NFATC1: variants seen among roughly 807,000 people sequenced by gnomAD.
The protein encoded by NFATC1 is nuclear factor of activated T-cells, cytoplasmic 1.
Under a neutral mutation model 76.0 loss-of-function variants are expected in NFATC1, and 22 were observed. The ratio of observed to expected loss-of-function variants is 0.29; its 90% CI spans 0.21 to 0.41. The LOEUF is 0.41. Among genes scored for constraint, NFATC1 ranks in the 10% least tolerant of loss-of-function variants. The pLI is 1.00. For synonymous variants in NFATC1, 704 were observed against 613.1 expected, an observed-to-expected ratio of 1.15 and a Z score of -2.19; for missense variants, 1,357 against 1,337.7, an observed-to-expected ratio of 1.01 and a Z score of -0.23.
chr18:79,424,653 G>A lies in NFATC1; in HGVS notation c.1227-8926G>A, dbSNP rs111211772. ...CGTCTGTCTCTCTGTCTCTCTTTCC[G>A]TCTCTGTCTCTCCATCTCTGTCTCT... On this transcript the variant is annotated intron_variant, in intron 2 of 9. Transcript: ENST00000427363. 5.3e-4 allele frequency among the ~76,000 whole-genome samples: 72 copies of A among 136,844 alleles called. 1 individual carries two copies. Among genetic ancestry groups the A allele is most frequent in the African/African-American group, 1.8e-3 (66 of 35,772 alleles). 89.8% of individuals were successfully genotyped at this position (136,844 alleles called of 152,430 possible).
At position 79,396,228 on chromosome 18, in the gene NFATC1, C is replaced by G; in HGVS notation, c.4C>G (p.Pro2Ala). The G allele has an allele frequency of 6.7e-7, 1 of 1,488,946 alleles. No homozygotes were observed. 92.2% of individuals were successfully genotyped at this position (1,488,946 alleles called of 1,614,324 possible). A position where few individuals can be genotyped will look rare whatever the true frequency, so the allele number is the denominator to read the frequency against. M[P>A]STSFPVPSKF... The stretch of plus-strand genomic sequence containing the variant: ...ACTCCCCGCCGCCGCCGCGCGGATG[C>G]CAAGCACCAGCTTTCCAGTCCCTTC... The change falls in exon 1 of 10, where the codon CCA becomes GCA. Residue 2 changes from proline (P) to alanine (A), a missense_variant. Physicochemically the swap from Pro to Ala is conservative, Grantham distance 27. Around this residue, in one of 3 missense-constraint regions of NFATC1, gnomAD observed 691 missense variants for 613.1 expected, o/e 1.13. Coordinates refer to ENST00000427363, the MANE Select transcript of NFATC1 (RefSeq NM_001278669.2).
In NFATC1 at chr18:79,467,445, T is replaced by C. The variant is rs1175471446; in HGVS notation, c.1960-5T>C. 3.1e-6 allele frequency: 5 copies of C among 1,591,076 alleles called. No individual in the cohort carries two copies. Among genetic ancestry groups the C allele is most frequent in the Non-Finnish European group, 4.3e-6 (5 of 1,164,970 alleles). ...TTGTGCCTCCTGTGTGCCCTTCTCC[T>C]GTAGAATTCTCTGGTGGTTGAGATC... On this transcript the variant is annotated splice_region_variant and splice_polypyrimidine_tract_variant and intron_variant, in intron 7 of 9. Coordinates refer to ENST00000427363, the MANE Select transcript of NFATC1 (RefSeq NM_001278669.2).
intron 3 of NFATC1, among the ~76,000 whole-genome samples, chr18:79,434,307 C>T (rs2086697467): frequency 1.3e-5 from 2 of 152,212 alleles, no homozygotes; most frequent in South Asian, 2.1e-4. Flanking sequence ...GTGGGCCTGA[C>T]TCCCCCGGGC....
chr18:79,400,272 G>A, intron 1 of NFATC1: 1 of 1,189,760 alleles, frequency 8.4e-7, no homozygotes, highest in African/African-American at 1.6e-5. Context: ...CGGGGGCGGG[G>A]CGGGGACGGG....
At chr18:79,450,030 C>T (rs1421827737) in intron 4 of NFATC1, among the ~76,000 whole-genome samples, 8 of 152,198 alleles carry the variant, frequency 5.3e-5, no homozygotes, top group African/African-American at 1.9e-4. Context: ...AGACAGGGCA[C>T]AGTCAGGTGC....
chr18:79,413,076 G>T lies in NFATC1; in HGVS notation c.1226+1575G>T, dbSNP rs78081956. ...TTTAAGTAAAAGTACAAGCGTAGTG[G>T]CACTGACTCTCCAGCCCACAGTCAT... On this transcript the variant is annotated intron_variant, in intron 2 of 9. Coordinates refer to ENST00000427363, the MANE Select transcript of NFATC1 (RefSeq NM_001278669.2). Among the ~76,000 whole-genome samples the T allele has an allele frequency of 3.6e-3, 546 of 152,322 alleles. 2 individuals carry two copies. The highest frequency in any genetic ancestry group is 6.0e-3 in the Non-Finnish European group (407 of 68,034).
chr18:79,496,062 C>T (rs1660154), intron 9 of NFATC1: 83,417 of 152,604 alleles, frequency 0.55, 26,162 homozygotes, highest in Non-Finnish European at 0.71. Context: ...AGTAGTAAGG[C>T]ATTCGCAAGT....
rs568544508 is a variant in NFATC1, at chr18:79,407,972, G to A, written c.128-2431G>A. On this transcript the variant is annotated intron_variant, in intron 1 of 9. Transcript: ENST00000427363. Reference sequence around the variant, plus strand: ...CTTCTGGTCGCACCTGTGAGGTGTGGCTCCATCGCAGCTCTGTTTCTTTTC... The same window carrying A: ...CTTCTGGTCGCACCTGTGAGGTGTGACTCCATCGCAGCTCTGTTTCTTTTC... Among the ~76,000 whole-genome samples the A allele has an allele frequency of 8.3e-5, 12 of 143,718 alleles. No individual in the cohort carries two copies. In the South Asian group the frequency reaches 2.8e-3, roughly 34 times the overall value. The allele number at this position is 143,718 out of a possible 152,430, so 94.3% of individuals were successfully genotyped here.
At position 79,482,355 on chromosome 18, in the gene NFATC1, G is replaced by T. The variant is rs536144792; in HGVS notation, c.2093-3893G>T. Among the ~76,000 whole-genome samples the T allele has an allele frequency of 2.2e-5, 3 of 138,480 alleles. No individual in the cohort carries two copies. In the East Asian group the frequency reaches 6.9e-4, roughly 32 times the overall value. 90.8% of individuals were successfully genotyped at this position (138,480 alleles called of 152,430 possible). A position where few individuals can be genotyped will look rare whatever the true frequency, so the allele number is the denominator to read the frequency against. ...CATTCCAGCGTGACCTGGTCCTGGGGTGTCATTCCAGTGTGACGTGGTCCT... is the reference window on the plus strand; with the variant it reads ...CATTCCAGCGTGACCTGGTCCTGGGTTGTCATTCCAGTGTGACGTGGTCCT... On this transcript the variant is annotated intron_variant, in intron 8 of 9. Transcript: ENST00000427363.
chr18:79,422,934 C>T (rs1241858620), intron 2 of NFATC1, among the ~76,000 whole-genome samples: 6 of 146,448 alleles, frequency 4.1e-5, no homozygotes, highest in African/African-American at 5.1e-5. Flanking sequence ...GGGGCTGCCT[C>T]GGGGGCGGGG....
chr18:79,397,364 C>T (rs941375184), intron 1 of NFATC1, among the ~76,000 whole-genome samples: 1 of 152,250 alleles, frequency 6.6e-6, no homozygotes, highest in Non-Finnish European at 1.5e-5. Flanking sequence ...GGGCAGACGT[C>T]CTTCCGAGCG....
intron 2 of NFATC1, among the ~76,000 whole-genome samples, chr18:79,424,447 C>T (rs1011340799): frequency 1.3e-5 from 2 of 152,176 alleles, no homozygotes; most frequent in African/African-American, 2.4e-5. Flanking sequence ...TGCCTCACGT[C>T]GGAGAAATGC....
chr18:79,516,963 A>G (rs2090400801), intron 9 of NFATC1, among the ~76,000 whole-genome samples: 1 of 152,248 alleles, frequency 6.6e-6, no homozygotes, highest in Admixed American at 6.5e-5. Context: ...TCAGCAATTC[A>G]ATGAAACCAT....
chr18:79,522,490 C>G (rs1280785432), intron 9 of NFATC1, among the ~76,000 whole-genome samples: 2 of 97,234 alleles, frequency 2.1e-5, no homozygotes, highest in Non-Finnish European at 3.8e-5. Context: ...TGGAGGGTAT[C>G]TGCTGATGTG....
chr18:79,452,300 T>C (rs1471895640), intron 6 of NFATC1, among the ~76,000 whole-genome samples: 1 of 152,182 alleles, frequency 6.6e-6, no homozygotes, highest in East Asian at 1.9e-4. Flanking sequence ...TGGTCTTTAA[T>C]GCCACAGCCG....
chr18:79,443,558 G>T (rs62096888), intron 3 of NFATC1, among the ~76,000 whole-genome samples: 1,711 of 152,318 alleles, frequency 0.011, 15 homozygotes, highest in Non-Finnish European at 0.018. Context: ...TGCATTCACC[G>T]GTCTGAGAAT....
chr18:79,510,124 T>G (rs533220584), intron 9 of NFATC1, among the ~76,000 whole-genome samples: 1 of 152,254 alleles, frequency 6.6e-6, no homozygotes, highest in East Asian at 1.9e-4. Flanking sequence ...TCCAGATAAC[T>G]CATAGCCCCC....
intron 9 of NFATC1, among the ~76,000 whole-genome samples, chr18:79,504,039 T>C (rs2090070632): frequency 6.6e-6 from 1 of 151,742 alleles, no homozygotes; most frequent in African/African-American, 2.4e-5. Flanking sequence ...CTTAAGGGAG[T>C]GTTGTGGCTG....
chr18:79,413,613 A>G (rs2085773279), intron 2 of NFATC1, among the ~76,000 whole-genome samples: 2 of 151,820 alleles, frequency 1.3e-5, no homozygotes, highest in African/African-American at 4.8e-5. Flanking sequence ...GCTGGGCAGG[A>G]CTCCATTATG....
Sources: gnomAD v4.1 joint callset for allele counts (sites outside exome capture counted in the v4.1 genomes callset) on GRCh38, gnomAD v4.1.1 for gene constraint, gnomAD v4.1.1 regional missense constraint, MANE v1.5 for transcripts, NCBI Gene and HGNC (gene_info 2026-07-23, HGNC 2026-07-21) for gene names.